ANO6: variants seen among roughly 807,000 people sequenced by gnomAD.
The protein encoded by ANO6 is anoctamin 6.
ANO6 carries 106 observed loss-of-function variants against 117.5 expected under a neutral mutation model. The ratio of observed to expected loss-of-function variants is 0.90; its 90% CI spans 0.77 to 1.06. The LOEUF (loss-of-function observed/expected upper bound fraction) is 1.06, where lower values mean the gene tolerates loss of function less well. Ranked by LOEUF, ANO6 falls within the 50% of genes least tolerant of loss-of-function variation. The pLI, the probability that ANO6 is intolerant of heterozygous loss-of-function variation, is 0.00. For missense variants in ANO6, 955 were observed against 1,121.1 expected (o/e 0.85, Z 2.12); for synonymous variants, 367 against 385.1 (o/e 0.95, Z 0.55).
chr12:45,372,395 AAG>A (rs1415596488), intron 9 of ANO6, among the ~76,000 whole-genome samples: 2 of 142,114 alleles, frequency 1.4e-5, no homozygotes, highest in South Asian at 2.5e-4. Flanking sequence ...GAGCAACTCC[AAG>A]ACACATAATT....
intron 12 of ANO6, among the ~76,000 whole-genome samples, chr12:45,391,592 G>T (rs1050640642): frequency 1.3e-5 from 2 of 152,106 alleles, no homozygotes; most frequent in Admixed American, 1.3e-4. Flanking sequence ...TAAAGGCCAG[G>T]CATGGTGGCT....
At chr12:45,384,750 A>C (rs1262590738) in intron 10 of ANO6, among the ~76,000 whole-genome samples, 2 of 152,096 alleles carry the variant, frequency 1.3e-5, no homozygotes, top group Non-Finnish European at 1.5e-5. Flanking sequence ...AAGATACAAT[A>C]ATAATGAAAA....
At chr12:45,326,872 C>G (rs1416600324) in intron 2 of ANO6, among the ~76,000 whole-genome samples, 1 of 152,176 alleles carries the variant, frequency 6.6e-6, no homozygotes, top group Non-Finnish European at 1.5e-5. Context: ...AAGCACCATC[C>G]AGGGATGCAT....
intron 1 of ANO6, among the ~76,000 whole-genome samples, chr12:45,293,367 T>G (rs1939170729): frequency 6.6e-6 from 1 of 152,158 alleles, no homozygotes; most frequent in Non-Finnish European, 1.5e-5. Flanking sequence ...AGTTTTCTTG[T>G]GATAAGAAGG....
chr12:45,427,658 G>A (rs775883677), intron 19 of ANO6, among the ~76,000 whole-genome samples: 5 of 151,682 alleles, frequency 3.3e-5, no homozygotes, highest in African/African-American at 9.7e-5. Context: ...AAATGAAAAG[G>A]TGTTTAACCT....
chr12:45,416,107 T>C (rs1280275729), intron 16 of ANO6, among the ~76,000 whole-genome samples: 3 of 152,192 alleles, frequency 2.0e-5, no homozygotes, highest in Non-Finnish European at 2.9e-5. Flanking sequence ...AGGAAGGATA[T>C]TATAATTTAT....
intron 7 of ANO6, among the ~76,000 whole-genome samples, chr12:45,353,636 A>C (rs2137463733): frequency 6.6e-6 from 1 of 152,326 alleles, no homozygotes; most frequent in Middle Eastern, 3.4e-3. Flanking sequence ...TATGGTTCCC[A>C]GGGATTACTG....
At chr12:45,365,478 G>C (rs916438596) in intron 8 of ANO6, among the ~76,000 whole-genome samples, 32 of 152,216 alleles carry the variant, frequency 2.1e-4, no homozygotes, top group African/African-American at 7.5e-4. Flanking sequence ...ACACTTTGGT[G>C]ATAGTGCTGT....
At chr12:45,317,061 T>G (rs988523656) in intron 2 of ANO6, among the ~76,000 whole-genome samples, 15 of 141,408 alleles carry the variant, frequency 1.1e-4, no homozygotes, top group African/African-American at 3.8e-4. Context: ...GTATCATTTT[T>G]TATACATTTT....
chr12:45,425,365 AAAG>A (rs1270521520), intron 19 of ANO6, among the ~76,000 whole-genome samples: 3 of 152,224 alleles, frequency 2.0e-5, no homozygotes, highest in African/African-American at 7.2e-5. Flanking sequence ...AACATGGATA[AAAG>A]AAATGAAAGA....
intron 8 of ANO6, among the ~76,000 whole-genome samples, chr12:45,367,242 A>G (rs955496865): frequency 6.6e-6 from 1 of 152,198 alleles, no homozygotes; most frequent in East Asian, 1.9e-4. Flanking sequence ...TCGGCCTCCC[A>G]AAGTGCTGGG....
chr12:45,302,708 G>A (rs558736930), intron 2 of ANO6, among the ~76,000 whole-genome samples: 168 of 152,190 alleles, frequency 1.1e-3, no homozygotes, highest in South Asian at 3.3e-3. Flanking sequence ...AGAAAATTAA[G>A]CACATAGGAT....
intron 1 of ANO6, among the ~76,000 whole-genome samples, chr12:45,271,793 A>G (rs1938401009): frequency 6.6e-6 from 1 of 152,228 alleles, no homozygotes; most frequent in Admixed American, 6.5e-5. Flanking sequence ...TCTTGGGTGA[A>G]AAATACATAG....
chr12:45,285,581 T>C (rs1344786825), intron 1 of ANO6, among the ~76,000 whole-genome samples: 2 of 151,970 alleles, frequency 1.3e-5, no homozygotes, highest in Non-Finnish European at 2.9e-5. Context: ...TACAAAAAAT[T>C]AGCCAGGCGT....
chr12:45,358,115 G>A (rs904010162), intron 8 of ANO6, among the ~76,000 whole-genome samples: 11 of 152,146 alleles, frequency 7.2e-5, no homozygotes, highest in Admixed American at 6.5e-4. Context: ...GATGCAGCAC[G>A]GAACCAGGAT....
chr12:45,317,856 A>C (rs1317206084), intron 2 of ANO6, among the ~76,000 whole-genome samples: 9 of 152,080 alleles, frequency 5.9e-5, no homozygotes, highest in African/African-American at 2.2e-4. Flanking sequence ...TTTGATTTGC[A>C]TTTCTCTGAT....
At chr12:45,353,415 A>G (rs189695118) in intron 7 of ANO6, among the ~76,000 whole-genome samples, 120 of 152,352 alleles carry the variant, frequency 7.9e-4, no homozygotes, top group African/African-American at 2.7e-3. Flanking sequence ...TGTTAAACCA[A>G]TAGCATCTGA....
At chr12:45,312,269 C>G (rs1939873750) in intron 2 of ANO6, among the ~76,000 whole-genome samples, 1 of 151,986 alleles carries the variant, frequency 6.6e-6, no homozygotes. Flanking sequence ...CCAGGAAAGC[C>G]ACAGAAGCAA....
chr12:45,363,495 C>T (rs541153916), intron 8 of ANO6, among the ~76,000 whole-genome samples: 8 of 150,566 alleles, frequency 5.3e-5, no homozygotes, highest in South Asian at 2.1e-4. Context: ...ACCCGGGAGG[C>T]GGAGGTTGCA....
Sources: gnomAD v4.1 joint callset for allele counts (sites outside exome capture counted in the v4.1 genomes callset) on GRCh38, gnomAD v4.1.1 for gene constraint, MANE v1.5 for transcripts, NCBI Gene and HGNC (gene_info 2026-07-23, HGNC 2026-07-21) for gene names.